ANKRD29: variants seen among roughly 807,000 people sequenced by gnomAD.
The protein encoded by ANKRD29 is ankyrin repeat domain-containing protein 29.
Under a neutral mutation model 38.0 loss-of-function variants are expected in ANKRD29, and 32 were observed. The ratio of observed to expected loss-of-function variants is 0.84; its 90% CI spans 0.64 to 1.13. The LOEUF (loss-of-function observed/expected upper bound fraction) is 1.13, where lower values mean the gene tolerates loss of function less well. Among genes scored for constraint, ANKRD29 ranks in the 50% most tolerant of loss-of-function variants. ANKRD29 has a pLI of 0.00. For synonymous variants in ANKRD29, 135 were observed against 152.4 expected (o/e 0.89, Z 0.84); for missense variants, 357 against 377.9 (o/e 0.94, Z 0.46).
At chr18:23,631,213 C>T (rs1598495850) in intron 5 of ANKRD29, among the ~76,000 whole-genome samples, 1 of 150,830 alleles carries the variant, frequency 6.6e-6, no homozygotes, top group South Asian at 2.1e-4. Context: ...GCCCTGGAAA[C>T]ATAGCAAGAC....
chr18:23,621,040 C>G (rs988902892), intron 6 of ANKRD29, among the ~76,000 whole-genome samples: 4 of 152,134 alleles, frequency 2.6e-5, no homozygotes, highest in Non-Finnish European at 4.4e-5. Flanking sequence ...GCATGAGGCT[C>G]TCCACCCCCA....
intron 1 of ANKRD29, among the ~76,000 whole-genome samples, chr18:23,650,761 C>A (rs1006385724): frequency 6.6e-6 from 1 of 152,070 alleles, no homozygotes; most frequent in South Asian, 2.1e-4. Context: ...AATATTGTAC[C>A]CAACACACCA....
intron 1 of ANKRD29, among the ~76,000 whole-genome samples, chr18:23,655,369 G>A (rs2060265657): frequency 6.6e-6 from 1 of 152,126 alleles, no homozygotes; most frequent in Non-Finnish European, 1.5e-5. Context: ...TGTAGAATAA[G>A]ATACCCACTC....
At chr18:23,660,344 A>G (rs912716908) in intron 1 of ANKRD29, among the ~76,000 whole-genome samples, 1 of 152,192 alleles carries the variant, frequency 6.6e-6, no homozygotes, top group African/African-American at 2.4e-5. Flanking sequence ...CCATTTGTAA[A>G]CTTCTTGGGA....
At chr18:23,654,276 CAAAA>C (rs1004088612) in intron 1 of ANKRD29, among the ~76,000 whole-genome samples, 25 of 130,622 alleles carry the variant, frequency 1.9e-4, no homozygotes, top group Admixed American at 7.7e-4. Context: ...CCAGCCTCCA[CAAAA>C]AATAAATAAA....
intron 6 of ANKRD29, among the ~76,000 whole-genome samples, chr18:23,622,748 G>A (rs2059811960): frequency 6.6e-6 from 1 of 152,110 alleles, no homozygotes; most frequent in Non-Finnish European, 1.5e-5. Context: ...TGTATTTTAA[G>A]TAGAGACGGG....
intron 6 of ANKRD29, among the ~76,000 whole-genome samples, chr18:23,629,147 G>A (rs1008730618): frequency 1.3e-5 from 2 of 152,208 alleles, no homozygotes; most frequent in Non-Finnish European, 2.9e-5. Context: ...ACCGCGCCTG[G>A]CTAATTTTTG....
intron 1 of ANKRD29, among the ~76,000 whole-genome samples, chr18:23,652,550 T>A (rs2060223072): frequency 2.0e-5 from 3 of 152,136 alleles, no homozygotes; most frequent in Admixed American, 2.0e-4. Context: ...TCTATACACA[T>A]CACATTCCCT....
intron 9 of ANKRD29, among the ~76,000 whole-genome samples, chr18:23,602,981 A>T (rs982647780): frequency 1.6e-4 from 25 of 152,256 alleles, no homozygotes; most frequent in African/African-American, 5.8e-4. Context: ...TTGGATTCTC[A>T]TATCTCCATC....
chr18:23,603,153 G>A (rs563640668), intron 9 of ANKRD29, among the ~76,000 whole-genome samples: 12 of 152,310 alleles, frequency 7.9e-5, no homozygotes, highest in African/African-American at 2.9e-4. Context: ...ACAAATGGTA[G>A]TTTCTTAAAG....
chr18:23,657,714 T>C (rs2060303117), intron 1 of ANKRD29, among the ~76,000 whole-genome samples: 1 of 152,260 alleles, frequency 6.6e-6, no homozygotes, highest in South Asian at 2.1e-4. Context: ...TTTCCTTCAC[T>C]GAATATGTTT....
intron 6 of ANKRD29, among the ~76,000 whole-genome samples, chr18:23,621,217 G>A (rs1254424883): frequency 6.6e-6 from 1 of 152,174 alleles, no homozygotes; most frequent in Non-Finnish European, 1.5e-5. Flanking sequence ...GGGGAAGGGG[G>A]GCTGAAGAGC....
At chr18:23,652,451 A>C (rs2060221389) in intron 1 of ANKRD29, among the ~76,000 whole-genome samples, 1 of 152,136 alleles carries the variant, frequency 6.6e-6, no homozygotes, top group African/African-American at 2.4e-5. Context: ...GTAAGGCAGC[A>C]GTGACCCCCG....
rs142395052 is a variant in ANKRD29 at position 23,660,637 on chromosome 18, C to T, written c.21+2073G>A. Among the ~76,000 whole-genome samples the T allele has an allele frequency of 8.1e-3, 1,235 of 152,268 alleles. 11 individuals carry two copies. Among genetic ancestry groups the T allele is most frequent in the South Asian group, 0.045 (218 of 4,824 alleles). On this transcript the variant is annotated intron_variant, in intron 1 of 9. Transcript: ENST00000592179. ...GCTGGCCAACATGGCGAAACCCCGT[C>T]TCTACTAAAATTACAAAAAATTAGC...
chr18:23,644,004 T>C (rs1207797146), intron 3 of ANKRD29, among the ~76,000 whole-genome samples: 3 of 152,244 alleles, frequency 2.0e-5, no homozygotes, highest in Non-Finnish European at 2.9e-5. Context: ...TGCCCCAGAC[T>C]GACACAGTCT....
At chr18:23,658,117 G>A (rs2060308054) in intron 1 of ANKRD29, among the ~76,000 whole-genome samples, 1 of 152,182 alleles carries the variant, frequency 6.6e-6, no homozygotes, top group Non-Finnish European at 1.5e-5. Flanking sequence ...CACAAAACTT[G>A]TTTGAGGACT....
At chr18:23,645,712 GC>G (rs1388514033) in intron 3 of ANKRD29, among the ~76,000 whole-genome samples, 1 of 152,222 alleles carries the variant, frequency 6.6e-6, no homozygotes, top group Non-Finnish European at 1.5e-5. Context: ...GACCCATACG[GC>G]TTTTTCCAGG....
At chr18:23,658,664 A>G (rs2060315696) in intron 1 of ANKRD29, among the ~76,000 whole-genome samples, 1 of 152,220 alleles carries the variant, frequency 6.6e-6, no homozygotes. Flanking sequence ...CATCCCCCCA[A>G]AAATTCATGT....
rs1044601279 is a variant in ANKRD29, at chr18:23,599,067, A to C, written c.*2159T>G. The C allele has an allele frequency of 3.3e-5, 5 of 152,224 alleles. No homozygotes were observed. Among genetic ancestry groups the C allele is most frequent in the African/African-American group, 1.2e-4 (5 of 41,460 alleles). 9.4% of individuals were successfully genotyped at this position (152,224 alleles called of 1,614,324 possible). A position where few individuals can be genotyped will look rare whatever the true frequency, so the allele number is the denominator to read the frequency against. ...GCTAGTTTTAAGTCTTAGGATGCGGAGCTAACTGAATTGTCAATTAGATTA... is the reference window on the plus strand; with the variant it reads ...GCTAGTTTTAAGTCTTAGGATGCGGCGCTAACTGAATTGTCAATTAGATTA... On this transcript the variant is annotated 3_prime_UTR_variant, in exon 10 of 10. Transcript: ENST00000592179.
Sources: allele counts gnomAD v4.1 joint callset (sites outside exome capture counted in the v4.1 genomes callset), GRCh38; gene constraint gnomAD v4.1.1; transcripts MANE v1.5; gene names NCBI Gene and HGNC (gene_info 2026-07-23, HGNC 2026-07-21).